FHIT: variants seen among roughly 807,000 people sequenced by gnomAD.
FHIT encodes the protein bis(5'-adenosyl)-triphosphatase.
Under a neutral mutation model 17.9 loss-of-function variants are expected in FHIT, and 19 were observed. That is an observed-to-expected ratio of 1.06 (90% CI 0.74 to 1.56). The LOEUF (loss-of-function observed/expected upper bound fraction) is 1.56, where lower values mean the gene tolerates loss of function less well. Among genes scored for constraint, FHIT ranks in the 40% most tolerant of loss-of-function variants. The pLI is 0.00. For synonymous variants in FHIT, 81 were observed against 69.7 expected (o/e 1.16, Z -0.81); for missense variants, 248 against 189.2 (o/e 1.31, Z -1.82).
At chr3:60,811,612 A>G (rs1701573140) in intron 4 of FHIT, among the ~76,000 whole-genome samples, 1 of 152,206 alleles carries the variant, frequency 6.6e-6, no homozygotes, top group Non-Finnish European at 1.5e-5. Flanking sequence ...TTAGCTAACT[A>G]GTAAGATCCA....
intron 5 of FHIT, among the ~76,000 whole-genome samples, chr3:60,391,160 C>T (rs1473470998): frequency 6.6e-6 from 1 of 151,780 alleles, no homozygotes; most frequent in African/African-American, 2.4e-5. Context: ...TGCACTCCAG[C>T]CTGGGCGACA....
chr3:61,132,081 G>A (rs1374619592), intron 2 of FHIT, among the ~76,000 whole-genome samples: 1 of 152,248 alleles, frequency 6.6e-6, no homozygotes, highest in Non-Finnish European at 1.5e-5. Context: ...ATGCTTTCAT[G>A]TAGGGTGGTT....
intron 9 of FHIT, chr3:59,750,924 G>GT (rs998850940): frequency 5.3e-6 from 1 of 189,218 alleles, no homozygotes; most frequent in Non-Finnish European, 1.1e-5. Context: ...CACTAATTTT[G>GT]TTTTTTATTT....
chr3:60,425,371 A>G (rs944826146), intron 5 of FHIT, among the ~76,000 whole-genome samples: 1 of 152,152 alleles, frequency 6.6e-6, no homozygotes, highest in South Asian at 2.1e-4. Context: ...TTTCTCTCCA[A>G]TGTTCAGTAA....
intron 4 of FHIT, among the ~76,000 whole-genome samples, chr3:60,606,561 C>T (rs780945265): frequency 6.6e-6 from 1 of 152,030 alleles, no homozygotes; most frequent in Non-Finnish European, 1.5e-5. Context: ...TCTTGATTCA[C>T]TTTTAGGGAC....
At chr3:60,085,715 C>T (rs946056747) in intron 5 of FHIT, among the ~76,000 whole-genome samples, 1 of 152,102 alleles carries the variant, frequency 6.6e-6, no homozygotes, top group Non-Finnish European at 1.5e-5. Flanking sequence ...TCTCCTGTGC[C>T]CTACAGGCCA....
At chr3:60,372,483 G>C (rs3821487) in intron 5 of FHIT, among the ~76,000 whole-genome samples, 100,924 of 151,938 alleles carry the variant, frequency 0.66, 33,796 homozygotes, top group African/African-American at 0.75. Context: ...TGTATTTTCC[G>C]CTTATCTTCC....
intron 3 of FHIT, among the ~76,000 whole-genome samples, chr3:60,985,786 G>A (rs571063694): frequency 2.0e-5 from 3 of 152,248 alleles, no homozygotes; most frequent in Non-Finnish European, 4.4e-5. Flanking sequence ...CAAACTTAGT[G>A]GCTTAAAACA....
At chr3:61,014,597 G>A (rs1272285753) in intron 3 of FHIT, among the ~76,000 whole-genome samples, 1 of 151,122 alleles carries the variant, frequency 6.6e-6, no homozygotes, top group Non-Finnish European at 1.5e-5. Context: ...GGCTAACATG[G>A]AGAAACCCCG....
At chr3:61,211,473 G>T (rs1329727889) in intron 1 of FHIT, among the ~76,000 whole-genome samples, 3 of 152,242 alleles carry the variant, frequency 2.0e-5, no homozygotes, top group Non-Finnish European at 4.4e-5. Flanking sequence ...CCATTGCCCA[G>T]GCTTGCTTAG....
chr3:60,385,748 T>A (rs1305689546), intron 5 of FHIT, among the ~76,000 whole-genome samples: 3 of 151,904 alleles, frequency 2.0e-5, no homozygotes, highest in Non-Finnish European at 2.9e-5. Flanking sequence ...CCCAGTGAAT[T>A]TTTTTTTCTG....
chr3:60,042,768 T>C (rs920446929), intron 5 of FHIT, among the ~76,000 whole-genome samples: 4 of 151,372 alleles, frequency 2.6e-5, no homozygotes, highest in Non-Finnish European at 5.9e-5. Flanking sequence ...ATAACAGAGA[T>C]GAGTAAAAAA....
intron 5 of FHIT, among the ~76,000 whole-genome samples, chr3:60,380,866 A>G (rs958130696): frequency 6.6e-6 from 1 of 152,198 alleles, no homozygotes; most frequent in Non-Finnish European, 1.5e-5. Flanking sequence ...CAACATGACT[A>G]GAGGCTTTAC....
intron 9 of FHIT, chr3:59,750,471 T>C (rs1700832772): frequency 4.5e-6 from 1 of 223,874 alleles, no homozygotes; most frequent in Non-Finnish European, 8.9e-6. Context: ...CATAGGCCTA[T>C]GTTCTTAGGT....
At chr3:60,995,162 A>ATAGAAAAAAT (rs2030566369) in intron 3 of FHIT, among the ~76,000 whole-genome samples, 1 of 151,886 alleles carries the variant, frequency 6.6e-6, no homozygotes, top group Non-Finnish European at 1.5e-5. Context: ...CTACTAAGAA[A>ATAGAAAAAAT]TAGAAAAAAT....
At chr3:60,133,208 A>T (rs1699670431) in intron 5 of FHIT, among the ~76,000 whole-genome samples, 1 of 152,186 alleles carries the variant, frequency 6.6e-6, no homozygotes, top group African/African-American at 2.4e-5. Context: ...CTATACCCCA[A>T]GCCTGGGAAT....
At position 59,846,361 on chromosome 3, in the gene FHIT, A is replaced by T. The variant is rs552778972; in HGVS notation, c.348+75985T>A. On this transcript the variant is annotated intron_variant, in intron 8 of 9. Transcript: ENST00000492590. ...TATGCCAGCTTAACTTCTATAACAT[A>T]TAAAAACTGTGCTACTTTAACAACA... Among the ~76,000 whole-genome samples, 28 of 152,270 alleles carry T rather than the reference A, an allele frequency of 1.8e-4. No homozygotes were observed. The South Asian group carries it at 5.6e-3, about 30-fold the overall frequency.
chr3:60,132,185 CATTT>C (rs1360635191), intron 5 of FHIT, among the ~76,000 whole-genome samples: 1 of 152,158 alleles, frequency 6.6e-6, no homozygotes, highest in Non-Finnish European at 1.5e-5. Context: ...CTTCACTCTT[CATTT>C]GTTTCCTTCA....
intron 4 of FHIT, among the ~76,000 whole-genome samples, chr3:60,538,056 A>G (rs540692748): frequency 1.3e-5 from 2 of 152,180 alleles, no homozygotes; most frequent in Admixed American, 6.5e-5. Context: ...TATGCTAATG[A>G]TTGACTGGTG....
Sources: gnomAD v4.1 joint callset for allele counts (sites outside exome capture counted in the v4.1 genomes callset) on GRCh38, gnomAD v4.1.1 for gene constraint, MANE v1.5 for transcripts, NCBI Gene and HGNC (gene_info 2026-07-23, HGNC 2026-07-21) for gene names.